The following RYR3 variants were observed in gnomAD, a reference collection of about 807,000 sequenced individuals.
RYR3 encodes brain ryanodine receptor-calcium release channel.
In RYR3, 207 loss-of-function variants were observed where a neutral mutation model predicts 584.3. That is an observed-to-expected ratio of 0.35 (90% CI 0.32 to 0.40). The LOEUF (loss-of-function observed/expected upper bound fraction) is 0.40. Ranked by LOEUF, RYR3 falls within the 10% of genes least tolerant of loss-of-function variation. RYR3 has a pLI of 1.00. For missense variants in RYR3, 5,616 were observed against 6,089.2 expected, an observed-to-expected ratio of 0.92 and a Z score of 2.59; for synonymous variants, 2,416 against 2,248.5, an observed-to-expected ratio of 1.07 and a Z score of -2.11.
intron 78 of RYR3, among the ~76,000 whole-genome samples, 157 bp downstream of exon 78, chr15:33,820,969 A>G (rs2077072331): frequency 3.1e-5 from 1 of 32,462 alleles, no homozygotes; most frequent in Admixed American, 2.9e-4. Context: ...GTAACAGAAC[A>G]TGGAAAACAA....
chr15:33,681,462 T>C (rs118061667), intron 38 of RYR3, among the ~76,000 whole-genome samples: 5 of 152,304 alleles, frequency 3.3e-5, no homozygotes, highest in Non-Finnish European at 7.4e-5. Flanking sequence ...AAAGTCTCTT[T>C]TGTAAGGTAA....
rs374961135 is a variant in RYR3 at position 33,841,836 on chromosome 15, C to T, written c.13038-28C>T. On this transcript the variant is annotated intron_variant, in intron 90 of 103. Transcript: ENST00000634891. ...GGGCCAGACCGCCCTCCCGTCTGCC[C>T]TGCTGAGTGGGTTTCCCATTTCTGC... 4.4e-6 allele frequency: 7 copies of T among 1,575,898 alleles called. No homozygotes were observed. In the African/African-American group the frequency reaches 8.1e-5, roughly 18 times the overall value.
chr15:33,414,987 AATGC>A (rs2043693815), intron 1 of RYR3, among the ~76,000 whole-genome samples: 1 of 152,136 alleles, frequency 6.6e-6, no homozygotes, highest in African/African-American at 2.4e-5. Flanking sequence ...CAAATATGTC[AATGC>A]ATTTGGATTA....
intron 16 of RYR3, among the ~76,000 whole-genome samples, chr15:33,590,097 G>A (rs1417526409): frequency 2.0e-5 from 3 of 152,166 alleles, no homozygotes; most frequent in Non-Finnish European, 4.4e-5. Flanking sequence ...CAGGGGCGGG[G>A]GTCACAAGGT....
At chr15:33,792,839 G>A (rs1051929634) in intron 67 of RYR3, among the ~76,000 whole-genome samples, 1 of 152,108 alleles carries the variant, frequency 6.6e-6, no homozygotes, top group South Asian at 2.1e-4. Flanking sequence ...CCAAATATGT[G>A]TCAGTTGTCC....
At chr15:33,394,011 CT>C (rs2042156761) in intron 1 of RYR3, among the ~76,000 whole-genome samples, 1 of 152,316 alleles carries the variant, frequency 6.6e-6, no homozygotes, top group Non-Finnish European at 1.5e-5. Flanking sequence ...GGTCATCCAC[CT>C]GCTAAATAAC....
chr15:33,831,773 G>A (rs565750486), intron 86 of RYR3, among the ~76,000 whole-genome samples: 2 of 152,152 alleles, frequency 1.3e-5, no homozygotes, highest in South Asian at 2.1e-4. Context: ...TATCATTACC[G>A]TCGGTGATAC....
chr15:33,395,619 A>G (rs1268585014), intron 1 of RYR3, among the ~76,000 whole-genome samples: 4 of 152,194 alleles, frequency 2.6e-5, no homozygotes, highest in Non-Finnish European at 4.4e-5. Flanking sequence ...GCACTCTGCT[A>G]AGTAAGTCCT....
rs1309555067 is a variant in RYR3, at chr15:33,710,255, C to G, written c.6619+3201C>G. ...AGCCTCAGGGAGCTTCCGATCATGG[C>G]AGAAGGCAAAAATGGACTAGGCATG... On this transcript the variant is annotated intron_variant, in intron 43 of 103. Transcript: ENST00000634891. Among the ~76,000 whole-genome samples the G allele has an allele frequency of 2.0e-5, 3 of 151,324 alleles. No homozygotes were observed. In the South Asian group the frequency reaches 6.2e-4, roughly 31 times the overall value.
At chr15:33,700,855 T>C in intron 41 of RYR3, 122 bp from the exon 42 acceptor site, 3 of 621,548 alleles carry the variant, frequency 4.8e-6, no homozygotes, top group South Asian at 4.3e-5. Context: ...AGAACGGTCA[T>C]GTAAGCCAGG....
rs550651737 is a variant in RYR3, at chr15:33,648,310, G to A, written c.3979-762G>A. 2.2e-4 allele frequency among the ~76,000 whole-genome samples: 33 copies of A among 152,246 alleles called. 1 individual carries two copies. The highest frequency in any genetic ancestry group is 5.8e-4 in the African/African-American group (24 of 41,538). ...GATTCAAGCCCAGGTTTGTCTAGCC[G>A]ACCCTTTTTTCTTCCAGTCAAGAAA... On this transcript the variant is annotated intron_variant, in intron 30 of 103. Coordinates refer to ENST00000634891, the MANE Select transcript of RYR3 (RefSeq NM_001036.6).
rs751777354 is a variant in RYR3, at chr15:33,701,039, A to T, written c.6442A>T (p.Asn2148Tyr). The part of the protein sequence containing the change: ...DVAASSVMDN[N>Y]ELALSLEEPD... ...GGCAGCTTCCTCTGTGATGGACAAC[A>T]ATGAGTTAGCGCTGAGCTTAGAGGA... The change falls in exon 42 of 104, where the codon AAT (asparagine) becomes TAT (tyrosine). Residue 2148 changes from asparagine (N) to tyrosine (Y), a missense_variant. Physicochemically the swap from Asn to Tyr is moderately radical, Grantham distance 143 (BLOSUM62 -2). Coordinates refer to ENST00000634891, the MANE Select transcript of RYR3 (RefSeq NM_001036.6). 2.5e-6 allele frequency: 4 copies of T among 1,613,446 alleles called. No individual in the cohort carries two copies. The highest frequency in any genetic ancestry group is 3.4e-6 in the Non-Finnish European group (4 of 1,179,730).
rs908032980 is a variant in RYR3, at chr15:33,844,891, A to G, written c.13326A>G (p.Thr4442=). 1.2e-6 allele frequency: 2 copies of G among 1,613,882 alleles called. No homozygotes were observed. The highest frequency in any genetic ancestry group is 2.7e-5 in the African/African-American group (2 of 74,942). ...CTGAAGAACCTTTAGAAGAAGAGACAGAGGATGTTGCAAACCTATGGAATT... is the reference window on the plus strand; with the variant it reads ...CTGAAGAACCTTTAGAAGAAGAGACGGAGGATGTTGCAAACCTATGGAATT... ...KVTEEPLEEE[T]EDVANLWNSF... The change falls in exon 93 of 104, where the codon ACA becomes ACG. Residue 4442 remains threonine (T), a synonymous_variant. Coordinates refer to ENST00000634891, the MANE Select transcript of RYR3 (RefSeq NM_001036.6).
At chr15:33,655,909 A>G (rs1278207124) in intron 32 of RYR3, among the ~76,000 whole-genome samples, 1 of 152,232 alleles carries the variant, frequency 6.6e-6, no homozygotes, top group African/African-American at 2.4e-5. Context: ...TCAGATTCAG[A>G]AAGGACTAGA....
chr15:33,742,383 A>G lies in RYR3; in HGVS notation c.7838A>G (p.Lys2613Arg), dbSNP rs777740116. ...TTTCACAGTTTTTCCTTGCCTGAAA[A>G]ATTGGAATACATCGTCACCAAGTAT... ...INTMNFSLPEKLEYIVTKYAE... is the reference protein window; with the variant it reads ...INTMNFSLPERLEYIVTKYAE... The change falls in exon 52 of 104, where the codon AAA (lysine) becomes AGA (arginine). Residue 2613 changes from lysine (K) to arginine (R), a missense_variant. By Grantham distance (26) the Lys-to-Arg change is conservative. Coordinates refer to ENST00000634891, the MANE Select transcript of RYR3 (RefSeq NM_001036.6). 6.2e-7 allele frequency: 1 copy of G among 1,612,978 alleles called. No homozygotes were observed.
At chr15:33,523,525 A>C (rs780728930) in intron 3 of RYR3, among the ~76,000 whole-genome samples, 1 of 151,948 alleles carries the variant, frequency 6.6e-6, no homozygotes, top group African/African-American at 2.4e-5. Context: ...CCAAGAACCC[A>C]CCAGAAGGAA....
intron 11 of RYR3, among the ~76,000 whole-genome samples, chr15:33,565,903 A>G (rs2057688642): frequency 6.6e-6 from 1 of 152,234 alleles, no homozygotes; most frequent in Non-Finnish European, 1.5e-5. Context: ...CAAGATCAGT[A>G]CTATACTGCC....
intron 67 of RYR3, among the ~76,000 whole-genome samples, chr15:33,796,175 C>G (rs1221387847): frequency 6.6e-6 from 1 of 152,020 alleles, no homozygotes; most frequent in African/African-American, 2.4e-5. Context: ...CGCTCTGTCG[C>G]CCAGGCTGGA....
rs755716370 is a variant in RYR3 at position 33,670,441 on chromosome 15, AGAG to A, written c.5757_5759del (p.Glu1919del). 6.2e-7 allele frequency: 1 copy of A among 1,613,676 alleles called. No individual in the cohort carries two copies. Among genetic ancestry groups the A allele is most frequent in the Non-Finnish European group, 8.5e-7 (1 of 1,179,706 alleles). ...TAGGGGTTCCTTTGGAAGAAGAGGA[AGAG>A]GAGGAGGAGGACACCTCCTGGACAG... On this transcript the variant is annotated inframe_deletion, in exon 38 of 104. Coordinates refer to ENST00000634891, the MANE Select transcript of RYR3 (RefSeq NM_001036.6).
Sources: gnomAD v4.1 joint callset for allele counts (sites outside exome capture counted in the v4.1 genomes callset) on GRCh38, gnomAD v4.1.1 for gene constraint, MANE v1.5 for transcripts, NCBI Gene and HGNC (gene_info 2026-07-23, HGNC 2026-07-21) for gene names.